CDH13: variants seen among roughly 807,000 people sequenced by gnomAD.
CDH13 encodes cadherin-13.
CDH13 carries 24 observed loss-of-function variants against 63.8 expected under a neutral mutation model. The observed-to-expected ratio is 0.38, with a 90% CI of 0.27 to 0.53. The LOEUF is 0.53. Ranked by LOEUF, CDH13 falls within the 20% of genes least tolerant of loss-of-function variation. The probability of loss-of-function intolerance (pLI) is 0.85; values close to 1 mark genes in which losing one functional copy is unlikely to be tolerated. For synonymous variants in CDH13, 503 were observed against 355.3 expected (o/e 1.42, Z -4.67); for missense variants, 1,049 against 903.1 (o/e 1.16, Z -2.07).
At chr16:83,609,798 C>A (rs9928439) in intron 8 of CDH13, among the ~76,000 whole-genome samples, 75,847 of 151,974 alleles carry the variant, frequency 0.5, 19,945 homozygotes, top group African/African-American at 0.67. Context: ...ACAGAGTTGT[C>A]GAATTATCAT....
In CDH13 at chr16:83,593,658, C is replaced by T. The variant is rs562141943; in HGVS notation, c.961-8796C>T. On this transcript the variant is annotated intron_variant, in intron 7 of 13. Coordinates refer to ENST00000567109, the MANE Select transcript of CDH13 (RefSeq NM_001257.5). ...TGTAATAATTGTAATCAATATTATG[C>T]AATAATATGTAATCATATTTATGTA... Among the ~76,000 whole-genome samples the T allele has an allele frequency of 5.9e-5, 9 of 151,926 alleles. No individual in the cohort carries two copies. In the South Asian group the frequency reaches 1.9e-3, roughly 32 times the overall value.
intron 4 of CDH13, among the ~76,000 whole-genome samples, chr16:83,159,549 A>C (rs1464700824): frequency 1.3e-5 from 2 of 152,204 alleles, no homozygotes; most frequent in Non-Finnish European, 2.9e-5. Context: ...TTGATGCCTA[A>C]ACCTCTCCTC....
chr16:83,755,161 CAGAT>C (rs1913401751), intron 11 of CDH13, among the ~76,000 whole-genome samples: 1 of 152,108 alleles, frequency 6.6e-6, no homozygotes, highest in Non-Finnish European at 1.5e-5. Flanking sequence ...AAGAAGGAAT[CAGAT>C]AGATATTCCA....
At chr16:82,909,644 A>G (rs1046537221) in intron 2 of CDH13, among the ~76,000 whole-genome samples, 1 of 151,774 alleles carries the variant, frequency 6.6e-6, no homozygotes, top group East Asian at 1.9e-4. Context: ...ATGCATGGGA[A>G]CTCCCATTTG....
At chr16:82,723,158 T>G (rs2032883716) in intron 1 of CDH13, 1 of 152,292 alleles carries the variant, frequency 6.6e-6, no homozygotes, top group Non-Finnish European at 1.5e-5. Flanking sequence ...CATGAGAAGT[T>G]ACCTGCAGGG....
At chr16:82,913,593 C>G (rs964022104) in intron 2 of CDH13, among the ~76,000 whole-genome samples, 3 of 152,132 alleles carry the variant, frequency 2.0e-5, no homozygotes, top group African/African-American at 4.8e-5. Flanking sequence ...CCTAAGGTGG[C>G]TATACCACAG....
At chr16:83,728,464 T>C (rs543415291) in intron 10 of CDH13, among the ~76,000 whole-genome samples, 1 of 152,246 alleles carries the variant, frequency 6.6e-6, no homozygotes, top group African/African-American at 2.4e-5. Flanking sequence ...GCAATTCTTT[T>C]TAGTGAGTGA....
At chr16:83,048,239 A>G (rs996474663) in intron 3 of CDH13, among the ~76,000 whole-genome samples, 1 of 152,030 alleles carries the variant, frequency 6.6e-6, no homozygotes, top group Admixed American at 6.5e-5. Flanking sequence ...CCATTGTACA[A>G]TAGCCTTGAG....
intron 4 of CDH13, among the ~76,000 whole-genome samples, chr16:83,143,336 A>G (rs1041714599): frequency 3.3e-5 from 5 of 152,220 alleles, no homozygotes; most frequent in Non-Finnish European, 7.3e-5. Flanking sequence ...AATATTTAGG[A>G]AAGTCTCAGA....
At chr16:82,890,671 A>G (rs1374290928) in intron 2 of CDH13, among the ~76,000 whole-genome samples, 2 of 144,850 alleles carry the variant, frequency 1.4e-5, no homozygotes, top group East Asian at 4.0e-4. Context: ...TTTTTTTCCA[A>G]GACTAACTTT....
chr16:83,042,118 C>T (rs909740467), intron 3 of CDH13, among the ~76,000 whole-genome samples: 9 of 152,308 alleles, frequency 5.9e-5, no homozygotes, highest in East Asian at 1.9e-4. Context: ...ACACCCGACA[C>T]GCTGCAGACA....
chr16:83,424,263 C>T (rs1360174746), intron 6 of CDH13, among the ~76,000 whole-genome samples: 1 of 152,148 alleles, frequency 6.6e-6, no homozygotes, highest in Non-Finnish European at 1.5e-5. Flanking sequence ...ACTGGACAGT[C>T]TAGAAGAGGA....
intron 7 of CDH13, among the ~76,000 whole-genome samples, chr16:83,570,211 A>G (rs1045798369): frequency 6.6e-6 from 1 of 152,162 alleles, no homozygotes; most frequent in Non-Finnish European, 1.5e-5. Flanking sequence ...TTTCATTAGT[A>G]TAGGTCTTGC....
At chr16:82,701,064 C>A (rs1170124689) in intron 1 of CDH13, among the ~76,000 whole-genome samples, 3 of 149,490 alleles carry the variant, frequency 2.0e-5, no homozygotes, top group Non-Finnish European at 4.4e-5. Context: ...TGAGTCAGTT[C>A]CTCTTCCTGT....
At chr16:82,804,158 G>T (rs1404322812) in intron 1 of CDH13, among the ~76,000 whole-genome samples, 1 of 119,070 alleles carries the variant, frequency 8.4e-6, no homozygotes, top group Non-Finnish European at 1.7e-5. Context: ...AACCCAGGAG[G>T]TGGAGGTTGC....
At chr16:83,146,220 AG>A (rs2036744986) in intron 4 of CDH13, among the ~76,000 whole-genome samples, 1 of 151,704 alleles carries the variant, frequency 6.6e-6, no homozygotes, top group Admixed American at 6.6e-5. Context: ...AGAAAAGAAA[AG>A]GAAGGAGGGA....
At chr16:82,927,277 A>T (rs1338491133) in intron 2 of CDH13, among the ~76,000 whole-genome samples, 1 of 152,180 alleles carries the variant, frequency 6.6e-6, no homozygotes, top group Non-Finnish European at 1.5e-5. Context: ...CCTGAGGTCA[A>T]GGAGACAGAA....
chr16:83,029,734 A>G (rs1471516435), intron 2 of CDH13, among the ~76,000 whole-genome samples: 1 of 152,192 alleles, frequency 6.6e-6, no homozygotes, highest in African/African-American at 2.4e-5. Context: ...AATTTTACTC[A>G]GGAAGGGAGG....
intron 6 of CDH13, among the ~76,000 whole-genome samples, chr16:83,475,657 C>T (rs2073583633): frequency 6.6e-6 from 1 of 151,564 alleles, no homozygotes; most frequent in South Asian, 2.1e-4. Flanking sequence ...TCTCGGCTCC[C>T]TGCAGCCTTC....
Sources: allele counts gnomAD v4.1 joint callset (sites outside exome capture counted in the v4.1 genomes callset), GRCh38; gene constraint gnomAD v4.1.1; transcripts MANE v1.5; gene names NCBI Gene and HGNC (gene_info 2026-07-23, HGNC 2026-07-21).